The following GRID1 variants were observed in gnomAD, a reference collection of about 807,000 sequenced individuals.
GRID1 encodes glutamate receptor ionotropic, delta-1.
A neutral mutation model predicts 98.0 loss-of-function variants in GRID1; 28 were observed. The observed-to-expected ratio is 0.29, with a 90% CI of 0.21 to 0.39. The LOEUF is 0.39. Ranked by LOEUF, GRID1 falls within the 10% of genes least tolerant of loss-of-function variation. GRID1 has a pLI of 1.00. For missense variants in GRID1, 1,111 were observed against 1,340.5 expected (o/e 0.83, Z 2.67); for synonymous variants, 553 against 538.5 (o/e 1.03, Z -0.37).
At position 85,856,029 on chromosome 10, in the gene GRID1, C is replaced by T. The variant is rs367827182; in HGVS notation, c.1113G>A (p.Lys371=). ...GTTGGGGGTGCCCCCTCACACGTAC[C>T]TTTTTGATGGTATCCAGCATGGACC... ...GGRSMLDTIK[K]GHITGLTGVM... Residue 371 remains lysine, a splice_region_variant and synonymous_variant, in exon 7 of 16, where the codon AAG becomes AAA. Coordinates refer to ENST00000327946, the MANE Select transcript of GRID1 (RefSeq NM_017551.3). 1.9e-5 allele frequency: 31 copies of T among 1,613,416 alleles called. No homozygotes were observed. The highest frequency in any genetic ancestry group is 2.4e-5 in the Non-Finnish European group (28 of 1,179,940).
At chr10:86,324,013 TACTAA>T (rs1175606008) in intron 2 of GRID1, among the ~76,000 whole-genome samples, 2 of 152,104 alleles carry the variant, frequency 1.3e-5, no homozygotes, top group African/African-American at 4.8e-5. Flanking sequence ...ACCCCATCTC[TACTAA>T]AATTACAAAA....
chr10:85,707,505 A>G (rs1841534079), intron 12 of GRID1, among the ~76,000 whole-genome samples: 1 of 152,200 alleles, frequency 6.6e-6, no homozygotes, highest in Admixed American at 6.5e-5. Context: ...ACACTTTTAC[A>G]CTGTTGGTGG....
intron 8 of GRID1, among the ~76,000 whole-genome samples, chr10:85,764,632 T>C (rs899327900): frequency 6.6e-5 from 10 of 152,282 alleles, no homozygotes; most frequent in African/African-American, 1.9e-4. Flanking sequence ...CACAAACACA[T>C]GTGGGCTTTA....
At chr10:85,688,285 T>C (rs1841291686) in intron 12 of GRID1, among the ~76,000 whole-genome samples, 1 of 152,100 alleles carries the variant, frequency 6.6e-6, no homozygotes, top group Non-Finnish European at 1.5e-5. Context: ...TCACAGGAGA[T>C]CACAACAGAC....
At chr10:86,232,965 A>G (rs1846479671) in intron 2 of GRID1, among the ~76,000 whole-genome samples, 1 of 152,188 alleles carries the variant, frequency 6.6e-6, no homozygotes, top group African/African-American at 2.4e-5. Context: ...GGCATCATTT[A>G]TTATTAATGC....
At chr10:86,057,536 T>C (rs766265340) in intron 4 of GRID1, among the ~76,000 whole-genome samples, 3 of 152,194 alleles carry the variant, frequency 2.0e-5, no homozygotes, top group Admixed American at 6.5e-5. Context: ...GCCTACTCCA[T>C]TGGCCCTCGG....
chr10:86,291,461 C>T (rs1297090084), intron 2 of GRID1, among the ~76,000 whole-genome samples: 1 of 152,124 alleles, frequency 6.6e-6, no homozygotes, highest in African/African-American at 2.4e-5. Flanking sequence ...CGGGCAGTAC[C>T]AGGCTCACCC....
At chr10:85,768,775 T>C (rs530185574) in intron 8 of GRID1, among the ~76,000 whole-genome samples, 2 of 152,378 alleles carry the variant, frequency 1.3e-5, no homozygotes, top group African/African-American at 4.8e-5. Context: ...GGAACCCCAA[T>C]GCATTGTTGA....
intron 8 of GRID1, among the ~76,000 whole-genome samples, chr10:85,786,067 GCACA>G (rs1842426252): frequency 6.6e-6 from 1 of 151,948 alleles, no homozygotes; most frequent in Admixed American, 6.6e-5. Flanking sequence ...ACATACATAT[GCACA>G]CACAATCTCT....
intron 12 of GRID1, among the ~76,000 whole-genome samples, chr10:85,687,837 T>C (rs1268090320): frequency 6.6e-6 from 1 of 151,916 alleles, no homozygotes; most frequent in African/African-American, 2.4e-5. Flanking sequence ...ACAAACAAAT[T>C]GAGGAACTGA....
chr10:86,134,952 G>A (rs1298486883), intron 4 of GRID1, among the ~76,000 whole-genome samples: 1 of 152,176 alleles, frequency 6.6e-6, no homozygotes, highest in Non-Finnish European at 1.5e-5. Context: ...GTGAGAGCAG[G>A]GACAACAGCC....
At chr10:85,634,286 C>CTCTCTCTCTCTCTT (rs1843010576) in intron 13 of GRID1, among the ~76,000 whole-genome samples, 1 of 131,790 alleles carries the variant, frequency 7.6e-6, no homozygotes, top group African/African-American at 3.0e-5. Context: ...CTCTCTCTCT[C>CTCTCTCTCTCTCTT]TCTCTCACAC....
chr10:85,712,564 C>T (rs972798378), intron 12 of GRID1, among the ~76,000 whole-genome samples: 19 of 151,806 alleles, frequency 1.3e-4, no homozygotes, highest in African/African-American at 4.6e-4. Context: ...ACAATATAGA[C>T]CAGATGGACC....
intron 3 of GRID1, among the ~76,000 whole-genome samples, chr10:86,198,510 T>A (rs116376412): frequency 6.6e-6 from 1 of 152,140 alleles, no homozygotes; most frequent in Admixed American, 6.5e-5. Context: ...TACTGAGCAG[T>A]TACCACGCGC....
intron 8 of GRID1, among the ~76,000 whole-genome samples, chr10:85,844,247 T>G (rs1261042125): frequency 1.3e-5 from 2 of 151,806 alleles, no homozygotes; most frequent in Non-Finnish European, 2.9e-5. Context: ...GAATAGAAAA[T>G]ATTATGGTTA....
rs192221451 is a variant in GRID1 at position 85,790,919 on chromosome 10, A to G, written c.1234-61305T>C. Among the ~76,000 whole-genome samples the G allele has an allele frequency of 2.1e-3, 325 of 152,312 alleles. 1 individual carries two copies. Among genetic ancestry groups the G allele is most frequent in the Non-Finnish European group, 2.7e-3 (181 of 68,032 alleles). The stretch of plus-strand genomic sequence containing the variant: ...CAGCCCCGCTCTCTCTGAGCAGAGT[A>G]GAGAAACTTGCTGGGATTTGGTTCT... On this transcript the variant is annotated intron_variant, in intron 8 of 15. Coordinates refer to ENST00000327946, the MANE Select transcript of GRID1 (RefSeq NM_017551.3).
intron 3 of GRID1, among the ~76,000 whole-genome samples, chr10:86,166,442 C>T (rs1404873896): frequency 1.3e-5 from 2 of 152,218 alleles, no homozygotes; most frequent in African/African-American, 4.8e-5. Flanking sequence ...GACATTGTCA[C>T]TATCTTAGCA....
intron 12 of GRID1, among the ~76,000 whole-genome samples, chr10:85,699,324 G>C (rs1203532539): frequency 6.6e-6 from 1 of 152,176 alleles, no homozygotes; most frequent in Admixed American, 6.6e-5. Flanking sequence ...AAAGTGTTGG[G>C]ACTATAGGCA....
chr10:86,277,696 A>T (rs1291661671), intron 2 of GRID1, among the ~76,000 whole-genome samples: 3 of 152,204 alleles, frequency 2.0e-5, no homozygotes, highest in African/African-American at 7.2e-5. Context: ...TCCAAGGAAT[A>T]TACACAAAAG....
Sources: gnomAD v4.1 joint callset for allele counts (sites outside exome capture counted in the v4.1 genomes callset) on GRCh38, gnomAD v4.1.1 for gene constraint, MANE v1.5 for transcripts, NCBI Gene and HGNC (gene_info 2026-07-23, HGNC 2026-07-21) for gene names.